The following NYAP2 variants were observed in gnomAD, a reference collection of about 807,000 sequenced individuals.
NYAP2 encodes neuronal tyrosine-phosphorylated phosphoinositide-3-kinase adaptor 2.
NYAP2 carries 23 observed loss-of-function variants against 50.4 expected under a neutral mutation model. The observed-to-expected ratio is 0.46, with a 90% CI of 0.33 to 0.65. The LOEUF is 0.65. Ranked by LOEUF, NYAP2 falls within the 30% of genes least tolerant of loss-of-function variation. The pLI, the probability that NYAP2 is intolerant of heterozygous loss-of-function variation, is 0.02. For missense variants in NYAP2, 885 were observed against 861.0 expected, an observed-to-expected ratio of 1.03 and a Z score of -0.35; for synonymous variants, 394 against 365.2, an observed-to-expected ratio of 1.08 and a Z score of -0.90.
At chr2:225,560,807 G>C (rs1408592550) in intron 4 of NYAP2, among the ~76,000 whole-genome samples, 1 of 151,646 alleles carries the variant, frequency 6.6e-6, no homozygotes, top group Non-Finnish European at 1.5e-5. Flanking sequence ...GTTGGTTTTT[G>C]TTTAATCCAT....
intron 6 of NYAP2, among the ~76,000 whole-genome samples, chr2:225,627,627 G>A (rs955686788): frequency 1.3e-5 from 2 of 152,176 alleles, no homozygotes; most frequent in Non-Finnish European, 2.9e-5. Flanking sequence ...TGATAACTGG[G>A]CATTGGGAAT....
chr2:225,451,393 A>G (rs550232592), intron 3 of NYAP2, among the ~76,000 whole-genome samples: 1 of 152,220 alleles, frequency 6.6e-6, no homozygotes, highest in Non-Finnish European at 1.5e-5. Context: ...ATGCAAATAT[A>G]CCTTTTTATA....
At chr2:225,593,801 GA>G (rs1231939095) in intron 5 of NYAP2, among the ~76,000 whole-genome samples, 1 of 152,084 alleles carries the variant, frequency 6.6e-6, no homozygotes, top group Admixed American at 6.5e-5. Context: ...GAACTTTAGG[GA>G]AAAAAGCCAT....
the NYAP2 span, among the ~76,000 whole-genome samples, chr2:225,689,161 C>A: frequency 2.0e-5 from 3 of 152,306 alleles, no homozygotes; most frequent in Non-Finnish European, 4.4e-5. Context: ...CAGCCTTCAT[C>A]CCTGAAAGTA....
rs1317953599 is a variant in NYAP2, at chr2:225,434,753, G to A, written c.221+25652G>A. ...ACATGTTTCTATATTATCATTTAAT[G>A]TGTTGGACACGTTTCATTAAGTGAA... On this transcript the variant is annotated intron_variant, in intron 3 of 6. Transcript: ENST00000636099. 2.0e-5 allele frequency among the ~76,000 whole-genome samples: 3 copies of A among 152,136 alleles called. No homozygotes were observed. In the East Asian group the frequency reaches 5.8e-4, roughly 29 times the overall value.
chr2:225,431,561 C>T (rs1329910346), intron 3 of NYAP2, among the ~76,000 whole-genome samples: 1 of 152,164 alleles, frequency 6.6e-6, no homozygotes, highest in Non-Finnish European at 1.5e-5. Flanking sequence ...CAGACTGATG[C>T]AATTTCTCAA....
chr2:225,518,565 T>TAA lies in NYAP2; in HGVS notation c.523+4894_523+4895insAA, dbSNP rs1481144790. Among the ~76,000 whole-genome samples the TAA allele has an allele frequency of 1.3e-3, 29 of 23,056 alleles. 6 individuals carry two copies. The highest frequency in any genetic ancestry group is 8.0e-3 in the Admixed American group (15 of 1,878). 15.1% of individuals were successfully genotyped at this position (23,056 alleles called of 152,430 possible). ...ATATATATATATATATATATATATA[T>TAA]ATATTAGCGTGTGCGCTTATATATA... On this transcript the variant is annotated intron_variant, in intron 4 of 6. Coordinates refer to ENST00000636099, the Ensembl canonical transcript of NYAP2.
intron 3 of NYAP2, among the ~76,000 whole-genome samples, chr2:225,472,255 G>A (rs1279706122): frequency 1.3e-5 from 2 of 152,158 alleles, no homozygotes; most frequent in Admixed American, 6.5e-5. Context: ...CATTTGTTCA[G>A]GCTCTCATTT....
intron 3 of NYAP2, among the ~76,000 whole-genome samples, chr2:225,418,365 G>T (rs1029573269): frequency 6.6e-6 from 1 of 152,098 alleles, no homozygotes; most frequent in African/African-American, 2.4e-5. Context: ...AGCTCAGGGT[G>T]AAATTGGGAT....
At chr2:225,540,700 A>G (rs1691450700) in intron 4 of NYAP2, among the ~76,000 whole-genome samples, 2 of 152,174 alleles carry the variant, frequency 1.3e-5, no homozygotes. Context: ...ATGGACACTT[A>G]GGTTACTTCC....
intron 4 of NYAP2, among the ~76,000 whole-genome samples, chr2:225,541,879 A>G (rs1201518813): frequency 1.3e-5 from 2 of 152,142 alleles, no homozygotes; most frequent in African/African-American, 2.4e-5. Context: ...TGCTTTGGGG[A>G]ATATGGAAAT....
At chr2:225,559,178 G>A (rs968876605) in intron 4 of NYAP2, among the ~76,000 whole-genome samples, 1 of 151,996 alleles carries the variant, frequency 6.6e-6, no homozygotes, top group African/African-American at 2.4e-5. Context: ...AGCTGCTCTT[G>A]CTCTGGGGAC....
At chr2:225,588,330 C>A (rs1692423516) in intron 5 of NYAP2, among the ~76,000 whole-genome samples, 1 of 151,902 alleles carries the variant, frequency 6.6e-6, no homozygotes, top group Non-Finnish European at 1.5e-5. Context: ...ATCATCTTTG[C>A]CTTTTCATTG....
chr2:225,569,799 T>G (rs1217151579), intron 4 of NYAP2, among the ~76,000 whole-genome samples: 1 of 152,216 alleles, frequency 6.6e-6, no homozygotes, highest in Non-Finnish European at 1.5e-5. Context: ...TCCCTATGTG[T>G]TCTCATGTCT....
upstream of NYAP2, among the ~76,000 whole-genome samples, chr2:225,399,378 A>G (rs1694820470): frequency 1.3e-5 from 2 of 152,074 alleles, no homozygotes; most frequent in African/African-American, 2.4e-5. Flanking sequence ...TGTGGTATAT[A>G]ATGTGATATA....
chr2:225,543,045 G>T (rs1435749016), intron 4 of NYAP2, among the ~76,000 whole-genome samples: 1 of 151,740 alleles, frequency 6.6e-6, no homozygotes. Flanking sequence ...CCAATTTATT[G>T]GTCTATTGTT....
chr2:225,478,994 A>T (rs1690163456), intron 3 of NYAP2, among the ~76,000 whole-genome samples: 1 of 152,198 alleles, frequency 6.6e-6, no homozygotes, highest in South Asian at 2.1e-4. Flanking sequence ...TTGGGAAAAA[A>T]AATAAGAGAT....
chr2:225,691,039 T>G, the NYAP2 span, among the ~76,000 whole-genome samples: 4 of 152,306 alleles, frequency 2.6e-5, no homozygotes, highest in East Asian at 7.7e-4. Flanking sequence ...AAGTGGAAAT[T>G]TAACAAGTTT....
intron 6 of NYAP2, among the ~76,000 whole-genome samples, chr2:225,650,965 T>C (rs145935875): frequency 6.6e-6 from 1 of 152,202 alleles, no homozygotes; most frequent in Non-Finnish European, 1.5e-5. Flanking sequence ...AAAATCAAGA[T>C]GAGTTGAAGA....
Sources: gnomAD v4.1 joint callset for allele counts (sites outside exome capture counted in the v4.1 genomes callset) on GRCh38, gnomAD v4.1.1 for gene constraint, MANE v1.5 for transcripts, NCBI Gene and HGNC (gene_info 2026-07-23, HGNC 2026-07-21) for gene names.